Variants in LITAF observed in about 807,000 individuals in gnomAD.
LITAF encodes the protein lipopolysaccharide-induced tumor necrosis factor-alpha factor.
LITAF carries 9 observed loss-of-function variants against 14.5 expected under a neutral mutation model. The observed-to-expected ratio is 0.62, with a 90% confidence interval of 0.37 to 1.08. The LOEUF is 1.08. Ranked by LOEUF, LITAF falls within the 50% of genes least tolerant of loss-of-function variation. The probability of loss-of-function intolerance (pLI) is 0.01; values close to 1 mark genes in which losing one functional copy is unlikely to be tolerated. For missense variants in LITAF, 206 were observed against 213.4 expected, an observed-to-expected ratio of 0.97 and a Z score of 0.22; for synonymous variants, 98 against 88.2, an observed-to-expected ratio of 1.11 and a Z score of -0.62.
chr16:11,589,722 G>A (rs55760188), upstream of LITAF, among the ~76,000 whole-genome samples: 22,151 of 148,832 alleles, frequency 0.15, 1,951 homozygotes, highest in Non-Finnish European at 0.18. Flanking sequence ...GAGCTCAGGC[G>A]ATCCTCCCAC....
At chr16:11,607,099 G>C (rs1262388419) in intron 3 of LITAF, among the ~76,000 whole-genome samples, 1 of 152,216 alleles carries the variant, frequency 6.6e-6, no homozygotes, top group Non-Finnish European at 1.5e-5. Flanking sequence ...TTTGGCTCCA[G>C]AGCCCCAGCT....
chr16:11,602,159 C>T (rs147607198), upstream of LITAF, among the ~76,000 whole-genome samples: 3,404 of 152,102 alleles, frequency 0.022, 101 homozygotes, highest in East Asian at 0.14. Context: ...CTCAGGAGTT[C>T]GAGACCAGCC....
intron 1 of LITAF, among the ~76,000 whole-genome samples, chr16:11,574,951 T>A (rs571914535): frequency 6.6e-6 from 1 of 152,062 alleles, no homozygotes; most frequent in African/African-American, 2.4e-5. Flanking sequence ...TACAGGTGCA[T>A]GCCACCACGC....
upstream of LITAF, among the ~76,000 whole-genome samples, chr16:11,602,398 G>A (rs1157680894): frequency 6.6e-6 from 1 of 152,144 alleles, no homozygotes; most frequent in Non-Finnish European, 1.5e-5. Context: ...TGTTAAGGAG[G>A]AAGGAAGAGC....
upstream of LITAF, among the ~76,000 whole-genome samples, chr16:11,589,556 T>G (rs1266661813): frequency 2.0e-5 from 3 of 151,616 alleles, no homozygotes; most frequent in Non-Finnish European, 4.4e-5. Context: ...AAATACCTAT[T>G]AGAGCTAATA....
At chr16:11,622,946 G>T (rs1237706342) in intron 3 of LITAF, among the ~76,000 whole-genome samples, 1 of 30,066 alleles carries the variant, frequency 3.3e-5, no homozygotes, top group Non-Finnish European at 6.3e-5. Context: ...TTCATATAAT[G>T]AATATATATA....
Position 11,548,505 on chromosome 16 carries a change from C to G in LITAF, c.*1132G>C, listed in dbSNP as rs1486896377. On this transcript the variant is annotated 3_prime_UTR_variant, in exon 4 of 4. Transcript: ENST00000622633. ...CACCAGGAAACCAAAACGGACCCCA[C>G]TCTGAGAGTTCCATGATGAAGGTGT... 1 of 454,064 alleles carries G rather than the reference C, an allele frequency of 2.2e-6. No individual in the cohort carries two copies. The highest frequency in any genetic ancestry group is 4.4e-6 in the Non-Finnish European group (1 of 226,788). The allele number at this position is 454,064 out of a possible 1,614,324, so 28.1% of individuals were successfully genotyped here. A position where few individuals can be genotyped will look rare whatever the true frequency, so the allele number is the denominator to read the frequency against.
At chr16:11,559,961 C>G (rs905556178) in intron 1 of LITAF, among the ~76,000 whole-genome samples, 2 of 151,940 alleles carry the variant, frequency 1.3e-5, no homozygotes, top group Non-Finnish European at 2.9e-5. Flanking sequence ...GCACTCCAGC[C>G]TGGGCGAGAC....
At chr16:11,559,668 G>T (rs1014339931) in intron 1 of LITAF, among the ~76,000 whole-genome samples, 6 of 151,594 alleles carry the variant, frequency 4.0e-5, no homozygotes, top group African/African-American at 1.2e-4. Context: ...AAAATGTATT[G>T]TTAATTTCAC....
At chr16:11,556,018 C>T (rs540754692) in intron 2 of LITAF, among the ~76,000 whole-genome samples, 4 of 152,102 alleles carry the variant, frequency 2.6e-5, no homozygotes, top group Admixed American at 6.6e-5. Flanking sequence ...CACCCTTGGG[C>T]GGAAGGAAGC....
chr16:11,635,381 A>G (rs1202357707), intron 2 of LITAF, among the ~76,000 whole-genome samples: 2 of 152,180 alleles, frequency 1.3e-5, no homozygotes, highest in African/African-American at 4.8e-5. Flanking sequence ...CTGGTTCATG[A>G]TGGTTCCAGT....
chr16:11,619,533 G>A (rs2065037575), intron 3 of LITAF, among the ~76,000 whole-genome samples: 1 of 151,868 alleles, frequency 6.6e-6, no homozygotes. Context: ...TACAGCCACA[G>A]GGCATTCTTG....
intron 3 of LITAF, among the ~76,000 whole-genome samples, chr16:11,615,570 C>T (rs2065014449): frequency 1.3e-5 from 2 of 152,136 alleles, no homozygotes; most frequent in Admixed American, 1.3e-4. Context: ...TGTGGTGGTG[C>T]ATGCCTGTAA....
At position 11,553,118 on chromosome 16, in the gene LITAF, A is replaced by G. The variant is rs1423222659; in HGVS notation, c.377+415T>C. 5.9e-5 allele frequency among the ~76,000 whole-genome samples: 9 copies of G among 151,612 alleles called. No homozygotes were observed. The highest frequency in any genetic ancestry group is 2.2e-4 in the African/African-American group (9 of 41,184). On this transcript the variant is annotated intron_variant, in intron 3 of 3. Transcript: ENST00000622633. The surrounding 1 kb of genome is among the most constrained non-coding windows in gnomAD (Gnocchi z 7.7). The stretch of plus-strand genomic sequence containing the variant: ...CAACAGAGTGAGAATCCATCACAAA[A>G]AAAGAAAGAAATGCCTTAGGCCAGG...
At chr16:11,617,634 C>G (rs1050371420) in intron 3 of LITAF, among the ~76,000 whole-genome samples, 5 of 151,594 alleles carry the variant, frequency 3.3e-5, no homozygotes. Flanking sequence ...ACCATATTGG[C>G]CAGACTGGTC....
rs2064150817 is a variant in LITAF at position 11,549,440 on chromosome 16, T to A, written c.*197A>T. The A allele has an allele frequency of 1.6e-6, 1 of 638,460 alleles. No homozygotes were observed. The highest frequency in any genetic ancestry group is 1.8e-5 in the African/African-American group (1 of 55,722). The allele number at this position is 638,460 out of a possible 1,614,324, so 39.5% of individuals were successfully genotyped here. A position where few individuals can be genotyped will look rare whatever the true frequency, so the allele number is the denominator to read the frequency against. ...AAGGGGAATGTCTTTGCAAGTCCTA[T>A]GCACGACTCCAAGCAGCAATTTCTG... On this transcript the variant is annotated 3_prime_UTR_variant, in exon 4 of 4. Transcript: ENST00000622633. This position sits in a 1 kb window ranked among gnomAD's most constrained non-coding sequence, Gnocchi z 4.6.
In LITAF at chr16:11,603,841, G is replaced by A. The variant is rs9939261; in HGVS notation, c.85+29692C>T. Among the ~76,000 whole-genome samples the A allele has an allele frequency of 7.2e-3, 1,086 of 150,484 alleles. 13 individuals are homozygous for A. Among genetic ancestry groups the A allele is most frequent in the African/African-American group, 0.023 (928 of 40,772 alleles). On this transcript the variant is annotated intron_variant, in intron 3 of 3. Coordinates refer to the LITAF transcript ENST00000574848. ...GGGCGGATCACAAGGTCGGGAGATC[G>A]AGACCATCCTGGCTAACACAGTGAA...
At chr16:11,582,008 T>C (rs566467274) in intron 1 of LITAF, among the ~76,000 whole-genome samples, 3 of 152,264 alleles carry the variant, frequency 2.0e-5, no homozygotes, top group African/African-American at 7.2e-5. Flanking sequence ...AGGAATAAGT[T>C]CTACTGTTCT....
In LITAF at chr16:11,553,275, G is replaced by T. The variant is rs2064209788; in HGVS notation, c.377+258C>A. 5 of 458,668 alleles carry T rather than the reference G, an allele frequency of 1.1e-5. No homozygotes were observed. Among genetic ancestry groups the T allele is most frequent in the Admixed American group, 3.4e-5 (1 of 29,550 alleles). The allele number at this position is 458,668 out of a possible 1,614,324, so 28.4% of individuals were successfully genotyped here. ...CTCTACTAAAAATAAGCTGGGCGTGGTTGTGCACCCCTATAATCCCAGCTA... is the reference window on the plus strand; with the variant it reads ...CTCTACTAAAAATAAGCTGGGCGTGTTTGTGCACCCCTATAATCCCAGCTA... On this transcript the variant is annotated intron_variant, in intron 3 of 3. Coordinates refer to ENST00000622633, the MANE Select transcript of LITAF (RefSeq NM_001136472.2). The surrounding 1 kb of genome is among the most constrained non-coding windows in gnomAD (Gnocchi z 7.7).
Sources: allele counts gnomAD v4.1 joint callset (sites outside exome capture counted in the v4.1 genomes callset), GRCh38; gene constraint gnomAD v4.1.1; non-coding constraint Gnocchi (gnomAD v3.1); transcripts MANE v1.5; gene names NCBI Gene and HGNC (gene_info 2026-07-23, HGNC 2026-07-21).